SHANK2: variants seen among roughly 807,000 people sequenced by gnomAD.
SHANK2 encodes SH3 and multiple ankyrin repeat domains protein 2.
SHANK2 carries 43 observed loss-of-function variants against 133.7 expected under a neutral mutation model. That is an observed-to-expected ratio of 0.32 (90% confidence interval 0.25 to 0.41). SHANK2 has a LOEUF of 0.41. Among genes scored for constraint, SHANK2 ranks in the 10% least tolerant of loss-of-function variants. SHANK2 has a pLI of 1.00. For synonymous variants in SHANK2, 1,017 were observed against 952.8 expected, an observed-to-expected ratio of 1.07 and a Z score of -1.24; for missense variants, 1,994 against 2,235.8, an observed-to-expected ratio of 0.89 and a Z score of 2.18.
chr11:70,601,047 ATAT>A (rs2060489590), intron 17 of SHANK2, among the ~76,000 whole-genome samples: 1 of 150,842 alleles, frequency 6.6e-6, no homozygotes, highest in African/African-American at 2.5e-5. Flanking sequence ...ATCTATATCT[ATAT>A]CTATATCTAT....
At chr11:70,655,024 C>A (rs534121058) in intron 17 of SHANK2, among the ~76,000 whole-genome samples, 2 of 152,266 alleles carry the variant, frequency 1.3e-5, no homozygotes, top group Non-Finnish European at 2.9e-5. Context: ...CCGTCTTGGC[C>A]TCCCAAAGTG....
rs782582535 is a variant in SHANK2 at position 70,500,526 on chromosome 11, G to C, written c.2308+44C>G. ...CAAAGGATGTTTCTGTTCCACAGGG[G>C]GGTGATGGGCAGGGGGCTGAGACAG... On this transcript the variant is annotated intron_variant, in intron 21 of 25. Transcript: ENST00000601538. This position sits in a 1 kb window ranked among gnomAD's most constrained non-coding sequence, Gnocchi z 4.5. 21 of 1,590,100 alleles carry C rather than the reference G, an allele frequency of 1.3e-5. No homozygotes were observed. The highest frequency in any genetic ancestry group is 1.8e-5 in the Non-Finnish European group (21 of 1,168,304).
chr11:70,507,920 G>C (rs1193216213), intron 17 of SHANK2, among the ~76,000 whole-genome samples: 1 of 152,230 alleles, frequency 6.6e-6, no homozygotes, highest in Non-Finnish European at 1.5e-5. Context: ...CAAGAGCGGG[G>C]CTTGTGATTT....
At chr11:70,576,808 C>A (rs1351249953) in intron 17 of SHANK2, among the ~76,000 whole-genome samples, 2 of 152,234 alleles carry the variant, frequency 1.3e-5, no homozygotes, top group African/African-American at 4.8e-5. Context: ...TTTCATCATA[C>A]CCTTATCCCT....
chr11:71,070,378 AC>A (rs1172123066), intron 9 of SHANK2, among the ~76,000 whole-genome samples: 2 of 152,184 alleles, frequency 1.3e-5, no homozygotes, highest in African/African-American at 4.8e-5. Context: ...AGAGCCTATG[AC>A]CCTGCCCACT....
Position 70,920,415 on chromosome 11 carries a change from T to C in SHANK2, c.1108-23848A>G, listed in dbSNP as rs143718085. ...GTCTATTTTAAAAAATGATTACCTA[T>C]GATGAAGGAAGAGACAAGAGTGGAA... is the stretch of plus-strand genomic sequence containing the variant. On this transcript the variant is annotated intron_variant, in intron 10 of 25. Transcript: ENST00000601538. 5.5e-3 allele frequency among the ~76,000 whole-genome samples: 833 copies of C among 152,210 alleles called. 6 individuals are homozygous for C. Among genetic ancestry groups the C allele is most frequent in the African/African-American group, 0.019 (794 of 41,532 alleles).
chr11:70,757,532 A>T (rs780006896), intron 14 of SHANK2, among the ~76,000 whole-genome samples: 7 of 152,228 alleles, frequency 4.6e-5, no homozygotes, highest in African/African-American at 1.7e-4. Flanking sequence ...CTTTCCTTCC[A>T]GAAGTCGGGA....
chr11:70,584,793 C>G (rs1483349971), intron 17 of SHANK2, among the ~76,000 whole-genome samples: 1 of 152,208 alleles, frequency 6.6e-6, no homozygotes, highest in African/African-American at 2.4e-5. Context: ...GTTGGTCTCG[C>G]CATACCTGAA....
intron 2 of SHANK2, among the ~76,000 whole-genome samples, chr11:71,168,910 G>A (rs1953248150): frequency 6.6e-6 from 1 of 152,182 alleles, no homozygotes; most frequent in African/African-American, 2.4e-5. Flanking sequence ...CTGATAAAAG[G>A]TCAACTGAGG....
At chr11:70,546,032 C>A (rs1432082835) in intron 17 of SHANK2, among the ~76,000 whole-genome samples, 1 of 152,088 alleles carries the variant, frequency 6.6e-6, no homozygotes, top group East Asian at 1.9e-4. Context: ...GCTTCCACAC[C>A]CCCTTGGGTA....
intron 11 of SHANK2, among the ~76,000 whole-genome samples, chr11:70,876,300 G>A (rs1242235561): frequency 5.0e-5 from 7 of 140,538 alleles, no homozygotes; most frequent in African/African-American, 1.9e-4. Flanking sequence ...GGTGGCTCAC[G>A]CCTGTAATCC....
chr11:70,820,772 C>T (rs888627461), intron 11 of SHANK2, 90 bp from the exon 12 acceptor site: 7 of 576,136 alleles, frequency 1.2e-5, no homozygotes, highest in South Asian at 4.4e-5. Context: ...GGCCTGCGTG[C>T]GTCCAAGCCC....
chr11:70,494,872 C>G (rs1240743702), intron 21 of SHANK2, among the ~76,000 whole-genome samples: 5 of 152,218 alleles, frequency 3.3e-5, no homozygotes, highest in African/African-American at 9.6e-5. Context: ...TGCAGGCTCA[C>G]TGGGCCCCAA....
At chr11:70,596,251 C>T (rs1365906652) in intron 17 of SHANK2, among the ~76,000 whole-genome samples, 3 of 152,222 alleles carry the variant, frequency 2.0e-5, no homozygotes, top group Non-Finnish European at 4.4e-5. Context: ...GGCCAGAGCC[C>T]GGACGCTTCC....
At chr11:71,064,289 G>A (rs1303866446) in intron 9 of SHANK2, among the ~76,000 whole-genome samples, 1 of 152,240 alleles carries the variant, frequency 6.6e-6, no homozygotes, top group Non-Finnish European at 1.5e-5. Flanking sequence ...CAGTGGAGAG[G>A]ATGCGGCTGG....
At chr11:70,864,781 T>A (rs190398687) in intron 11 of SHANK2, 1 of 152,460 alleles carries the variant, frequency 6.6e-6, no homozygotes, top group Admixed American at 6.5e-5. Context: ...ATCCCAGTGC[T>A]TTGGGAGGCT....
At chr11:70,850,479 C>T (rs553921895) in intron 11 of SHANK2, among the ~76,000 whole-genome samples, 7 of 152,304 alleles carry the variant, frequency 4.6e-5, no homozygotes, top group African/African-American at 1.7e-4. Flanking sequence ...GCCCATCAGA[C>T]AGTCCCTAAA....
chr11:70,819,718 G>A (rs1948477390), intron 12 of SHANK2, among the ~76,000 whole-genome samples: 1 of 152,134 alleles, frequency 6.6e-6, no homozygotes, highest in Non-Finnish European at 1.5e-5. Flanking sequence ...CTGTCACCTG[G>A]GGCTGCTTCA....
At chr11:70,697,966 C>G (rs1191986466) in intron 15 of SHANK2, 1 of 152,660 alleles carries the variant, frequency 6.6e-6, no homozygotes, top group South Asian at 2.1e-4. Flanking sequence ...GGGCTCCCCA[C>G]GTGGAGGGGC....
Sources: allele counts gnomAD v4.1 joint callset (sites outside exome capture counted in the v4.1 genomes callset), GRCh38; gene constraint gnomAD v4.1.1; non-coding constraint Gnocchi (gnomAD v3.1); transcripts MANE v1.5; gene names NCBI Gene and HGNC (gene_info 2026-07-23, HGNC 2026-07-21).